The following FGF9 variants were observed in gnomAD, a reference collection of about 807,000 sequenced individuals.
FGF9 encodes the protein fibroblast growth factor 9, also known as fibroblast growth factor 9 (glia-activating factor).
Under a neutral mutation model 19.9 loss-of-function variants are expected in FGF9, and 3 were observed. The observed-to-expected ratio is 0.15, with a 90% confidence interval of 0.07 to 0.39. FGF9 has a LOEUF of 0.39. Ranked by LOEUF, FGF9 falls within the 10% of genes least tolerant of loss-of-function variation. The pLI is 1.00. For synonymous variants in FGF9, 107 were observed against 106.9 expected (o/e 1.00, Z -0.01); for missense variants, 175 against 256.8 (o/e 0.68, Z 2.18).
At chr13:21,685,484 AAAACTAT>A (rs1311518140) in intron 2 of FGF9, among the ~76,000 whole-genome samples, 1 of 152,258 alleles carries the variant, frequency 6.6e-6, no homozygotes, top group Non-Finnish European at 1.5e-5. Context: ...GGAAATAAGA[AAAACTAT>A]ATTGCTAATG....
intron 2 of FGF9, among the ~76,000 whole-genome samples, chr13:21,699,205 A>G (rs17840918): frequency 5.2e-4 from 79 of 152,308 alleles, no homozygotes; most frequent in Non-Finnish European, 8.8e-4. Flanking sequence ...CCTGTGGGGT[A>G]GAGCTGCTTC....
intron 2 of FGF9, among the ~76,000 whole-genome samples, chr13:21,684,894 G>C (rs770544504): frequency 2.6e-5 from 4 of 152,202 alleles, no homozygotes; most frequent in African/African-American, 4.8e-5. Flanking sequence ...TGGGAGGGAG[G>C]CTCCTGGGCA....
At chr13:21,690,271 T>A (rs1374533201) in intron 2 of FGF9, among the ~76,000 whole-genome samples, 1 of 152,158 alleles carries the variant, frequency 6.6e-6, no homozygotes, top group Non-Finnish European at 1.5e-5. Context: ...CACACTCCCA[T>A]TCACACAAGT....
intron 1 of FGF9, among the ~76,000 whole-genome samples, chr13:21,679,649 C>T (rs940735665): frequency 4.5e-4 from 68 of 151,918 alleles, no homozygotes; most frequent in African/African-American, 1.5e-3. Flanking sequence ...ATAATATTAG[C>T]AGTGTCCAGA....
chr13:21,685,996 A>C (rs1397705946), intron 2 of FGF9, among the ~76,000 whole-genome samples: 1 of 152,216 alleles, frequency 6.6e-6, no homozygotes, highest in Non-Finnish European at 1.5e-5. Flanking sequence ...GAAAGTTTAG[A>C]GGCATGGCTC....
chr13:21,694,305 A>G (rs1160696742), intron 2 of FGF9, among the ~76,000 whole-genome samples: 2 of 151,886 alleles, frequency 1.3e-5, no homozygotes, highest in Non-Finnish European at 2.9e-5. Context: ...CTGTCCTTTT[A>G]TTTCTACAAA....
intron 1 of FGF9, among the ~76,000 whole-genome samples, chr13:21,678,339 C>T (rs538814386): frequency 8.4e-4 from 128 of 152,196 alleles, no homozygotes; most frequent in African/African-American, 2.5e-3. Context: ...GTAAGATGTG[C>T]ATAATAGTTA....
intron 2 of FGF9, among the ~76,000 whole-genome samples, chr13:21,696,727 T>A (rs1872418135): frequency 6.6e-6 from 1 of 152,246 alleles, no homozygotes; most frequent in Non-Finnish European, 1.5e-5. Context: ...GAAATGATTT[T>A]GGAGTAGAAA....
intron 1 of FGF9, among the ~76,000 whole-genome samples, chr13:21,678,577 A>T (rs1247066665): frequency 3.9e-5 from 6 of 152,150 alleles, no homozygotes; most frequent in Non-Finnish European, 8.8e-5. Flanking sequence ...TGTTCTGCAG[A>T]CCAGCCAGTG....
At chr13:21,682,656 T>TA (rs1365047173) in intron 2 of FGF9, among the ~76,000 whole-genome samples, 8 of 147,934 alleles carry the variant, frequency 5.4e-5, no homozygotes, top group Non-Finnish European at 3.0e-5. Flanking sequence ...AAACTTACAT[T>TA]AAAAAAATAG....
intron 2 of FGF9, among the ~76,000 whole-genome samples, chr13:21,697,626 T>C (rs750908576): frequency 2.0e-5 from 3 of 146,904 alleles, no homozygotes; most frequent in Non-Finnish European, 4.4e-5. Context: ...TTTAAAAAAG[T>C]ATAAAATGAG....
intron 2 of FGF9, among the ~76,000 whole-genome samples, chr13:21,698,676 G>A (rs1872471975): frequency 6.6e-6 from 1 of 152,138 alleles, no homozygotes; most frequent in African/African-American, 2.4e-5. Flanking sequence ...CTATGGGTGT[G>A]CTATGTATGC....
chr13:21,698,677 C>T (rs1045824849), intron 2 of FGF9, among the ~76,000 whole-genome samples: 2 of 152,036 alleles, frequency 1.3e-5, no homozygotes, highest in African/African-American at 4.8e-5. Flanking sequence ...TATGGGTGTG[C>T]TATGTATGCA....
intron 2 of FGF9, among the ~76,000 whole-genome samples, chr13:21,697,442 T>C (rs986483864): frequency 1.3e-5 from 2 of 152,138 alleles, no homozygotes; most frequent in Admixed American, 6.5e-5. Flanking sequence ...CTGCTGTGCC[T>C]GGCCAATGAT....
chr13:21,694,516 T>A (rs1290200335), intron 2 of FGF9, among the ~76,000 whole-genome samples: 6 of 152,250 alleles, frequency 3.9e-5, no homozygotes, highest in Admixed American at 3.9e-4. Flanking sequence ...TCCTCTGTTG[T>A]CTGCCAATCT....
rs552611467 is a variant in FGF9 at position 21,672,609 on chromosome 13, T to C, written c.277+420T>C. On this transcript the variant is annotated intron_variant, in intron 1 of 2. Coordinates refer to ENST00000382353, the MANE Select transcript of FGF9 (RefSeq NM_002010.3). The surrounding 1 kb of genome is among the most constrained non-coding windows in gnomAD (Gnocchi z 4.2). ...TGGGTATCTTGTGCCCAAATTAAGG[T>C]TTTTTTCCTTTCCCCCTTTCCTCTA... Among the ~76,000 whole-genome samples the C allele has an allele frequency of 3.3e-4, 50 of 152,294 alleles. No homozygotes were observed. The South Asian group carries it at 7.3e-3, about 22-fold the overall frequency.
Position 21,695,850 on chromosome 13 carries a change from G to A in FGF9, c.382-5340G>A, listed in dbSNP as rs17070596. On this transcript the variant is annotated intron_variant, in intron 2 of 2. Coordinates refer to ENST00000382353, the MANE Select transcript of FGF9 (RefSeq NM_002010.3). ...ATGTCTGTACAGTCACTGATCATAA[G>A]CTGATGTGTTGTAGTAGTTTATAAC... Among the ~76,000 whole-genome samples the A allele has an allele frequency of 3.0e-3, 461 of 152,330 alleles. 2 individuals carry two copies. The highest frequency in any genetic ancestry group is 0.011 in the African/African-American group (445 of 41,586).
At chr13:21,679,956 C>CA (rs551705351) in intron 1 of FGF9, among the ~76,000 whole-genome samples, 4,960 of 56,132 alleles carry the variant, frequency 0.088, 342 homozygotes, top group African/African-American at 0.23. Context: ...GACTCCATCT[C>CA]AAAAAAAAAA....
intron 2 of FGF9, among the ~76,000 whole-genome samples, chr13:21,686,071 T>C (rs1872149114): frequency 6.6e-6 from 1 of 152,212 alleles, no homozygotes; most frequent in Admixed American, 6.5e-5. Context: ...TAAAGAAGTT[T>C]TTTGATGGAG....
Sources: gnomAD v4.1 joint callset for allele counts (sites outside exome capture counted in the v4.1 genomes callset) on GRCh38, gnomAD v4.1.1 for gene constraint, Gnocchi (gnomAD v3.1) non-coding constraint, MANE v1.5 for transcripts, NCBI Gene and HGNC (gene_info 2026-07-23, HGNC 2026-07-21) for gene names.